RXFP2: variants seen among roughly 807,000 people sequenced by gnomAD.
RXFP2 encodes relaxin receptor 2.
A neutral mutation model predicts 88.6 loss-of-function variants in RXFP2; 68 were observed. That is an observed-to-expected ratio of 0.77 (90% CI 0.63 to 0.94). RXFP2 has a LOEUF of 0.94. Ranked by LOEUF, RXFP2 falls within the 40% of genes least tolerant of loss-of-function variation. RXFP2 has a pLI of 0.00. For synonymous variants in RXFP2, 329 were observed against 306.8 expected (o/e 1.07, Z -0.76); for missense variants, 791 against 893.9 (o/e 0.88, Z 1.47).
At chr13:31,785,639 G>T (rs1217075315) in intron 11 of RXFP2, among the ~76,000 whole-genome samples, 1 of 151,650 alleles carries the variant, frequency 6.6e-6, no homozygotes, top group Non-Finnish European at 1.5e-5. Context: ...ATAACCATCA[G>T]CAGTTCCAGA....
In RXFP2 at chr13:31,739,583, TAC is replaced by T; in HGVS notation, c.-29_-28del. ...GAACTCCTGCTGAGGTATAAGAGGA[TAC>T]GTCTAATAACTCAATTGCTGTAAAC... On this transcript the variant is annotated 5_prime_UTR_variant, in exon 1 of 18. It adds an upstream start codon to the 5' untranslated region. Coordinates refer to ENST00000298386, the MANE Select transcript of RXFP2 (RefSeq NM_130806.5). The T allele has an allele frequency of 7.3e-7, 1 of 1,375,496 alleles. No homozygotes were observed. The highest frequency in any genetic ancestry group is 1.0e-6 in the Non-Finnish European group (1 of 962,658). 85.2% of individuals were successfully genotyped at this position (1,375,496 alleles called of 1,614,324 possible).
intron 10 of RXFP2, among the ~76,000 whole-genome samples, chr13:31,782,167 C>A (rs1218879265): frequency 6.6e-6 from 1 of 152,160 alleles, no homozygotes; most frequent in Non-Finnish European, 1.5e-5. Context: ...GGAAAAACAT[C>A]TAATGCATTC....
rs116088239 is a variant in RXFP2 at position 31,779,482 on chromosome 13, C to T, written c.785+899C>T. Among the ~76,000 whole-genome samples, 439 of 152,270 alleles carry T rather than the reference C, an allele frequency of 2.9e-3. 1 individual carries two copies. Among genetic ancestry groups the T allele is most frequent in the African/African-American group, 0.01 (417 of 41,550 alleles). ...GACAATGACCAGTACATAATAGGTG[C>T]TCAATAAGCCTTTGTTAGGATGGAT... On this transcript the variant is annotated intron_variant, in intron 9 of 17. Transcript: ENST00000298386.
chr13:31,774,584 C>A, intron 5 of RXFP2, 36 bp from the exon 6 acceptor site: 3 of 1,044,878 alleles, frequency 2.9e-6, no homozygotes, highest in Non-Finnish European at 4.5e-6. Flanking sequence ...GTCCATAAAC[C>A]ATAATCACCT....
At chr13:31,790,395 T>C (rs938445201) in intron 14 of RXFP2, among the ~76,000 whole-genome samples, 3 of 151,882 alleles carry the variant, frequency 2.0e-5, no homozygotes, top group Non-Finnish European at 4.4e-5. Context: ...AAGAAAAGAG[T>C]TCATTATAGT....
intron 11 of RXFP2, 65 bp from the exon 12 acceptor site, chr13:31,786,318 G>A: frequency 9.4e-7 from 1 of 1,065,404 alleles, no homozygotes; most frequent in South Asian, 1.3e-5. Flanking sequence ...TGATAATTGT[G>A]AGGAGTAATA....
At chr13:31,741,000 T>C (rs1408999716) in intron 1 of RXFP2, among the ~76,000 whole-genome samples, 1 of 152,058 alleles carries the variant, frequency 6.6e-6, no homozygotes, top group Non-Finnish European at 1.5e-5. Flanking sequence ...AGCTCATCTG[T>C]GCCCTTAAAA....
At chr13:31,765,420 T>G (rs979249456) in intron 4 of RXFP2, among the ~76,000 whole-genome samples, 1 of 136,528 alleles carries the variant, frequency 7.3e-6, no homozygotes, top group East Asian at 2.0e-4. Context: ...CTACTGTCCT[T>G]GTGTTGAAAT....
intron 1 of RXFP2, among the ~76,000 whole-genome samples, chr13:31,751,908 A>G (rs565469248): frequency 6.3e-4 from 96 of 152,268 alleles, no homozygotes; most frequent in Non-Finnish European, 1.2e-3. Flanking sequence ...TGAATTTTAC[A>G]TACTGAAAGG....
intron 2 of RXFP2, among the ~76,000 whole-genome samples, chr13:31,760,795 C>A (rs1315177616): frequency 6.6e-6 from 1 of 152,082 alleles, no homozygotes; most frequent in Non-Finnish European, 1.5e-5. Flanking sequence ...TATTTTATAA[C>A]ATATAGTGAA....
chr13:31,765,942 A>C lies in RXFP2; in HGVS notation c.426-14A>C. 7.4e-7 allele frequency: 1 copy of C among 1,357,190 alleles called. No homozygotes were observed. Among genetic ancestry groups the C allele is most frequent in the Non-Finnish European group, 1.0e-6 (1 of 956,618 alleles). 84.1% of individuals were successfully genotyped at this position (1,357,190 alleles called of 1,614,324 possible). A position where few individuals can be genotyped will look rare whatever the true frequency, so the allele number is the denominator to read the frequency against. On this transcript the variant is annotated splice_polypyrimidine_tract_variant and intron_variant, in intron 4 of 17. Transcript: ENST00000298386. ...AACAATCCATAATGAAGTTTGCTTT[A>C]CATGTTATTTTAGGTCTCTTAAGAA...
At position 31,789,180 on chromosome 13, in the gene RXFP2, A is replaced by G; in HGVS notation, c.1132A>G (p.Asn378Asp). 1 of 1,601,602 alleles carries G rather than the reference A, an allele frequency of 6.2e-7. No homozygotes were observed. Among genetic ancestry groups the G allele is most frequent in the Non-Finnish European group, 8.5e-7 (1 of 1,169,794 alleles). Residue 378 changes from asparagine (N) to aspartate (D), a missense_variant, in exon 14 of 18, where the codon AAT becomes GAT. Coordinates refer to ENST00000298386, the MANE Select transcript of RXFP2 (RefSeq NM_130806.5). Reference sequence around the variant, plus strand: ...CACACGAATGTTTCAACCCATGAAGAATCTTTCTCACATGTACGTATGTAT... The same window carrying G: ...CACACGAATGTTTCAACCCATGAAGGATCTTTCTCACATGTACGTATGTAT... ...INTRMFQPMK[N>D]LSHIYFKNFR...
intron 9 of RXFP2, 76 bp from the exon 10 acceptor site, chr13:31,781,595 A>G (rs1873276193): frequency 1.9e-6 from 2 of 1,043,656 alleles, no homozygotes; most frequent in Admixed American, 3.8e-5. Context: ...AAACTTGATA[A>G]CCATTTTAAA....
In RXFP2 at chr13:31,744,658, A is replaced by T. The variant is rs531258285; in HGVS notation, c.94+4952A>T. On this transcript the variant is annotated intron_variant, in intron 1 of 17. Transcript: ENST00000298386. ...GTCTGATGAAGGAAAGATAATTTTA[A>T]CTAATTCTCCTTTTCTCTGATTCCA... 2.6e-5 allele frequency among the ~76,000 whole-genome samples: 4 copies of T among 151,738 alleles called. No homozygotes were observed. In the East Asian group the frequency reaches 7.7e-4, roughly 29 times the overall value.
At chr13:31,797,901 C>T (rs551347006) in intron 17 of RXFP2, among the ~76,000 whole-genome samples, 1 of 152,298 alleles carries the variant, frequency 6.6e-6, no homozygotes, top group Admixed American at 6.5e-5. Flanking sequence ...AAAGAGTCTC[C>T]TCCAAAAGGC....
intron 14 of RXFP2, 141 bp from the exon 15 acceptor site, chr13:31,791,665 A>T: frequency 1.5e-6 from 1 of 674,784 alleles, no homozygotes; most frequent in East Asian, 2.7e-5. Flanking sequence ...GAACTCTTTA[A>T]TTATATAAAC....
At chr13:31,781,851 G>C in intron 10 of RXFP2, 109 bp downstream of exon 10, 2 of 804,796 alleles carry the variant, frequency 2.5e-6, no homozygotes, top group Non-Finnish European at 4.2e-6. Flanking sequence ...TACAGCCTTG[G>C]TCTGACACTG....
chr13:31,774,467 T>G (rs1593460114), intron 5 of RXFP2, among the ~76,000 whole-genome samples, 153 bp from the exon 6 acceptor site: 1 of 152,208 alleles, frequency 6.6e-6, no homozygotes, highest in African/African-American at 2.4e-5. Flanking sequence ...TTGGTAGCCA[T>G]TTCTCACTGA....
chr13:31,796,724 G>T (rs1037601882), intron 16 of RXFP2, among the ~76,000 whole-genome samples: 6 of 152,140 alleles, frequency 3.9e-5, no homozygotes, highest in African/African-American at 1.4e-4. Context: ...ACACCACTGG[G>T]CTTATATAAA....
Sources: gnomAD v4.1 joint callset for allele counts (sites outside exome capture counted in the v4.1 genomes callset) on GRCh38, gnomAD v4.1.1 for gene constraint, MANE v1.5 for transcripts, NCBI Gene and HGNC (gene_info 2026-07-23, HGNC 2026-07-21) for gene names.